RUNX2: variants seen among roughly 807,000 people sequenced by gnomAD.
RUNX2 encodes the protein RUNX family transcription factor 2, also known as runt-related transcription factor 2.
Under a neutral mutation model 51.7 loss-of-function variants are expected in RUNX2, and 10 were observed. The ratio of observed to expected loss-of-function variants is 0.19; its 90% CI spans 0.12 to 0.33. The LOEUF (loss-of-function observed/expected upper bound fraction) is 0.33. Ranked by LOEUF, RUNX2 falls within the 10% of genes least tolerant of loss-of-function variation. The pLI, the probability that RUNX2 is intolerant of heterozygous loss-of-function variation, is 1.00. For synonymous variants in RUNX2, 276 were observed against 273.6 expected (o/e 1.01, Z -0.09); for missense variants, 562 against 691.3 (o/e 0.81, Z 2.10).
At chr6:45,366,223 ATAAAG>A (rs1304592137) in intron 2 of RUNX2, among the ~76,000 whole-genome samples, 3 of 152,240 alleles carry the variant, frequency 2.0e-5, no homozygotes, top group Non-Finnish European at 2.9e-5. Context: ...AGAACATATG[ATAAAG>A]TAAAGCAGTG....
chr6:45,350,693 T>C (rs1186517804), intron 2 of RUNX2, among the ~76,000 whole-genome samples: 1 of 152,224 alleles, frequency 6.6e-6, no homozygotes, highest in Non-Finnish European at 1.5e-5. Flanking sequence ...CTATGCCTTT[T>C]AAAGGAAGCT....
intron 5 of RUNX2, among the ~76,000 whole-genome samples, chr6:45,464,405 A>T (rs887298978): frequency 5.9e-5 from 9 of 152,146 alleles, no homozygotes; most frequent in Non-Finnish European, 1.2e-4. Flanking sequence ...CCCTAAATAT[A>T]AACTTTTTTT....
At chr6:45,401,569 A>C (rs1397099572) in intron 2 of RUNX2, among the ~76,000 whole-genome samples, 1 of 152,242 alleles carries the variant, frequency 6.6e-6, no homozygotes, top group Non-Finnish European at 1.5e-5. Flanking sequence ...ATTTTTAAAC[A>C]ATGCGTACCT....
At chr6:45,532,905 CTTTTTTTTT>C (rs10706582) in intron 7 of RUNX2, among the ~76,000 whole-genome samples, 1 of 125,880 alleles carries the variant, frequency 7.9e-6, no homozygotes, top group Non-Finnish European at 1.7e-5. Context: ...AGACCGGGCT[CTTTTTTTTT>C]TTTTTTTTTT....
At chr6:45,384,016 C>T (rs1022610105) in intron 2 of RUNX2, among the ~76,000 whole-genome samples, 31 of 152,228 alleles carry the variant, frequency 2.0e-4, no homozygotes, top group Admixed American at 1.2e-3. Flanking sequence ...TTCCTCTTTC[C>T]AGAATATGTT....
chr6:45,475,532 C>T (rs1287035411), intron 5 of RUNX2, among the ~76,000 whole-genome samples: 1 of 152,108 alleles, frequency 6.6e-6, no homozygotes, highest in African/African-American at 2.4e-5. Flanking sequence ...TGGTTCCTTC[C>T]ACCTCAGTGG....
chr6:45,343,068 G>A (rs2150143436), intron 2 of RUNX2, among the ~76,000 whole-genome samples: 1 of 152,276 alleles, frequency 6.6e-6, no homozygotes, highest in East Asian at 1.9e-4. Context: ...TAAATAAAAT[G>A]TAAAGTGTCT....
intron 7 of RUNX2, among the ~76,000 whole-genome samples, chr6:45,536,479 G>A (rs925338813): frequency 6.6e-6 from 1 of 152,186 alleles, no homozygotes; most frequent in Non-Finnish European, 1.5e-5. Flanking sequence ...CAGGCAATTC[G>A]AGCCACGTGC....
At chr6:45,530,475 G>A (rs138656373) in intron 7 of RUNX2, among the ~76,000 whole-genome samples, 3 of 152,248 alleles carry the variant, frequency 2.0e-5, no homozygotes, top group Non-Finnish European at 4.4e-5. Flanking sequence ...CAATCTGTGA[G>A]TTAGGCTTAT....
chr6:45,516,360 A>G (rs1469342478), intron 7 of RUNX2, among the ~76,000 whole-genome samples: 3 of 152,350 alleles, frequency 2.0e-5, no homozygotes, highest in Middle Eastern at 6.8e-3. Flanking sequence ...ATGAGAAGTT[A>G]TTGCCATGTA....
intron 5 of RUNX2, among the ~76,000 whole-genome samples, chr6:45,442,223 T>G (rs746711275): frequency 4.6e-5 from 7 of 152,216 alleles, no homozygotes; most frequent in Non-Finnish European, 7.3e-5. Context: ...ATGCCATTTA[T>G]TTTCTTTGCC....
intron 2 of RUNX2, among the ~76,000 whole-genome samples, chr6:45,381,799 G>T (rs541201457): frequency 6.6e-6 from 1 of 152,294 alleles, no homozygotes; most frequent in South Asian, 2.1e-4. Context: ...ACTGCAGGGG[G>T]TTGGGGTGCC....
At chr6:45,384,274 T>TTTTG (rs892615223) in intron 2 of RUNX2, among the ~76,000 whole-genome samples, 5 of 151,854 alleles carry the variant, frequency 3.3e-5, no homozygotes, top group Non-Finnish European at 7.4e-5. Flanking sequence ...TTGGGGTTTT[T>TTTTG]TTTGTTTGTT....
chr6:45,483,950 A>AT (rs148582223), intron 5 of RUNX2, among the ~76,000 whole-genome samples: 1 of 152,292 alleles, frequency 6.6e-6, no homozygotes, highest in East Asian at 1.9e-4. Flanking sequence ...CCAGGTCCTT[A>AT]TTTGCTGGGC....
chr6:45,365,709 C>G (rs200804889), intron 2 of RUNX2, among the ~76,000 whole-genome samples: 2 of 148,848 alleles, frequency 1.3e-5, no homozygotes, highest in African/African-American at 5.0e-5. Context: ...ATTCAGGCCA[C>G]GGAACAACCC....
chr6:45,502,987 A>T (rs1280393869), intron 6 of RUNX2, among the ~76,000 whole-genome samples: 1 of 152,194 alleles, frequency 6.6e-6, no homozygotes, highest in Non-Finnish European at 1.5e-5. Flanking sequence ...TAAAAAAATG[A>T]TATTGCCTTC....
intron 2 of RUNX2, among the ~76,000 whole-genome samples, chr6:45,373,097 G>A (rs538147656): frequency 2.0e-5 from 3 of 151,944 alleles, no homozygotes; most frequent in Admixed American, 1.3e-4. Context: ...GTGAGTCACC[G>A]CACCCGGCCC....
At chr6:45,392,149 A>G (rs1797484004) in intron 2 of RUNX2, among the ~76,000 whole-genome samples, 1 of 152,192 alleles carries the variant, frequency 6.6e-6, no homozygotes, top group African/African-American at 2.4e-5. Context: ...ACCTGCCTTC[A>G]AGAAATCTGC....
chr6:45,410,571 G>GTTATCCCTAGT (rs1797928582), intron 2 of RUNX2, among the ~76,000 whole-genome samples: 1 of 152,108 alleles, frequency 6.6e-6, no homozygotes, highest in African/African-American at 2.4e-5. Context: ...ATGTTAACAT[G>GTTATCCCTAGT]GCTCCAGGGG....
Sources: gnomAD v4.1 joint callset for allele counts (sites outside exome capture counted in the v4.1 genomes callset) on GRCh38, gnomAD v4.1.1 for gene constraint, MANE v1.5 for transcripts, NCBI Gene and HGNC (gene_info 2026-07-23, HGNC 2026-07-21) for gene names.